Variants in CKAP5 observed in about 807,000 individuals in gnomAD.
CKAP5 encodes cytoskeleton associated protein 5.
A neutral mutation model predicts 232.8 loss-of-function variants in CKAP5; 27 were observed. The observed-to-expected ratio is 0.12, with a 90% confidence interval of 0.09 to 0.16. The LOEUF (loss-of-function observed/expected upper bound fraction) is 0.16, where lower values mean the gene tolerates loss of function less well. CKAP5 is among the 10% of genes least tolerant of loss of function. The pLI is 1.00. For missense variants in CKAP5, 1,838 were observed against 2,424.7 expected (o/e 0.76, Z 5.08); for synonymous variants, 785 against 841.1 (o/e 0.93, Z 1.16).
intron 1 of CKAP5, among the ~76,000 whole-genome samples, chr11:46,826,344 G>A (rs978393770): frequency 6.6e-6 from 1 of 152,142 alleles, no homozygotes; most frequent in East Asian, 1.9e-4. Context: ...GTTACTGCTC[G>A]ACTGTACCAA....
intron 4 of CKAP5, among the ~76,000 whole-genome samples, chr11:46,812,457 C>T (rs1939297412): frequency 6.6e-6 from 1 of 152,118 alleles, no homozygotes; most frequent in Admixed American, 6.6e-5. Context: ...TTGTGAGTAT[C>T]AGATTCTGGA....
chr11:46,804,669 G>A (rs541279170), intron 8 of CKAP5, among the ~76,000 whole-genome samples: 2 of 151,972 alleles, frequency 1.3e-5, no homozygotes, highest in African/African-American at 2.4e-5. Context: ...CAGAGGAAAG[G>A]AAACAAATTA....
chr11:46,758,396 C>G lies in CKAP5; in HGVS notation c.4689+527G>C, dbSNP rs531019054. Among the ~76,000 whole-genome samples, 35 of 152,296 alleles carry G rather than the reference C, an allele frequency of 2.3e-4. No homozygotes were observed. The South Asian group carries it at 7.3e-3, about 32-fold the overall frequency. On this transcript the variant is annotated intron_variant, in intron 35 of 43. Transcript: ENST00000529230. The stretch of plus-strand genomic sequence containing the variant: ...CATTACCCCATTTAAGTTATATTTA[C>G]ACAGTTGTTACAACTGTGTGATATT...
rs550552801 is a variant in CKAP5 at position 46,813,700 on chromosome 11, G to A, written c.458+2498C>T. Among the ~76,000 whole-genome samples, 5 of 152,168 alleles carry A rather than the reference G, an allele frequency of 3.3e-5. No individual in the cohort carries two copies. The South Asian group carries it at 1.0e-3, about 32-fold the overall frequency. ...GACAAATAAAGAACCACACAGGGAT[G>A]GGACTACATAACAACATCTATGAAG... On this transcript the variant is annotated intron_variant, in intron 4 of 43. Coordinates refer to ENST00000529230, the MANE Select transcript of CKAP5 (RefSeq NM_001008938.4).
chr11:46,757,569 T>A (rs923903107), intron 35 of CKAP5, among the ~76,000 whole-genome samples: 3 of 152,114 alleles, frequency 2.0e-5, no homozygotes, highest in African/African-American at 7.2e-5. Flanking sequence ...TTTTATTTTT[T>A]AAATTTTATT....
chr11:46,767,080 G>A (rs1319419726), intron 27 of CKAP5, among the ~76,000 whole-genome samples: 1 of 151,032 alleles, frequency 6.6e-6, no homozygotes, highest in East Asian at 1.9e-4. Context: ...GGAGTGCAAT[G>A]GCGAGATATT....
rs1272975783 is a variant in CKAP5 at position 46,798,103 on chromosome 11, T to C, written c.1153A>G (p.Ile385Val). 1.2e-6 allele frequency: 2 copies of C among 1,613,956 alleles called. No homozygotes were observed. Among genetic ancestry groups the C allele is most frequent in the African/African-American group, 1.3e-5 (1 of 74,932 alleles). ...PQVVQALQEA[I>V]DAIFLTTTLQ... ...CTTACAGTAAGGAAGATTGCATCAA[T>C]TGCCTCCTGCAGGGCTTGTACCACT... is the stretch of plus-strand genomic sequence containing the variant. Residue 385 changes from isoleucine to valine, a missense_variant, in exon 10 of 44, where the codon ATT (isoleucine) becomes GTT (valine). By Grantham distance (29) the Ile-to-Val change is conservative. Coordinates refer to ENST00000529230, the MANE Select transcript of CKAP5 (RefSeq NM_001008938.4).
chr11:46,821,314 T>C (rs758775775), intron 1 of CKAP5, 46 bp from the exon 2 acceptor site: 5 of 873,346 alleles, frequency 5.7e-6, no homozygotes, highest in Non-Finnish European at 9.2e-6. Context: ...AGGCAGTCTC[T>C]TAAGACAAAA....
chr11:46,839,254 T>TG (rs1159383390), intron 1 of CKAP5, among the ~76,000 whole-genome samples: 1 of 152,116 alleles, frequency 6.6e-6, no homozygotes, highest in African/African-American at 2.4e-5. Flanking sequence ...TAATACAGGC[T>TG]GGGGGTAGGG....
At chr11:46,804,272 C>A (rs1283155496) in intron 8 of CKAP5, among the ~76,000 whole-genome samples, 4 of 152,108 alleles carry the variant, frequency 2.6e-5, no homozygotes, top group Non-Finnish European at 5.9e-5. Flanking sequence ...TAATATAATA[C>A]CTGCCTGTCA....
chr11:46,811,707 C>T (rs1939277956), intron 4 of CKAP5, among the ~76,000 whole-genome samples: 1 of 152,098 alleles, frequency 6.6e-6, no homozygotes, highest in South Asian at 2.1e-4. Flanking sequence ...GAACTCCTGA[C>T]TTCAGGTGAT....
At chr11:46,762,902 G>C (rs1012170494) in intron 30 of CKAP5, 74 bp downstream of exon 30, 1 of 1,474,992 alleles carries the variant, frequency 6.8e-7, no homozygotes. Flanking sequence ...AAAAAAGGGA[G>C]AGGAAATAAA....
chr11:46,749,951 A>G (rs2065051212), intron 42 of CKAP5, among the ~76,000 whole-genome samples: 1 of 151,762 alleles, frequency 6.6e-6, no homozygotes, highest in Non-Finnish European at 1.5e-5. Flanking sequence ...AAAAGAGGTC[A>G]GAGCAAGTGA....
At chr11:46,835,868 A>G (rs1329212665) in intron 1 of CKAP5, among the ~76,000 whole-genome samples, 1 of 152,242 alleles carries the variant, frequency 6.6e-6, no homozygotes, top group Admixed American at 6.5e-5. Flanking sequence ...CCTAGCAAAC[A>G]CTAACTTAAT....
chr11:46,818,067 G>A (rs1470376580), intron 3 of CKAP5, among the ~76,000 whole-genome samples: 1 of 152,004 alleles, frequency 6.6e-6, no homozygotes, highest in Admixed American at 6.6e-5. Context: ...AAACCACTTG[G>A]TCATCAAACC....
intron 36 of CKAP5, among the ~76,000 whole-genome samples, chr11:46,753,985 C>T (rs2065090679): frequency 6.6e-6 from 1 of 151,940 alleles, no homozygotes; most frequent in Admixed American, 6.6e-5. Flanking sequence ...AATCGGTGTG[C>T]TTCTAATTGT....
chr11:46,800,278 T>C (rs1378534483), intron 9 of CKAP5, among the ~76,000 whole-genome samples: 3 of 152,212 alleles, frequency 2.0e-5, no homozygotes, highest in African/African-American at 4.8e-5. Context: ...TTTATTTTTA[T>C]TTGGTAGTGT....
chr11:46,768,704 C>T (rs904795451), intron 26 of CKAP5, among the ~76,000 whole-genome samples: 1 of 151,674 alleles, frequency 6.6e-6, no homozygotes, highest in African/African-American at 2.4e-5. Flanking sequence ...ACCTCAGCCT[C>T]CTGGGTAGCT....
chr11:46,760,683 A>G lies in CKAP5; in HGVS notation c.4323T>C (p.Arg1441=), dbSNP rs1229698081. 1 of 1,614,102 alleles carries G rather than the reference A, an allele frequency of 6.2e-7. No individual in the cohort carries two copies. Among genetic ancestry groups the G allele is most frequent in the Admixed American group, 1.7e-5 (1 of 60,006 alleles). ...PIKQVEEKPQ[R]AQNISSNANM... ...TGGCATTGGAGCTTATGTTCTGTGC[A>G]CGCTGAGGTTTCTCTTCCACCTGTT... Residue 1441 remains arginine, a synonymous_variant, in exon 33 of 44, where the codon CGT becomes CGC. Transcript: ENST00000529230.
Sources: allele counts gnomAD v4.1 joint callset (sites outside exome capture counted in the v4.1 genomes callset), GRCh38; gene constraint gnomAD v4.1.1; transcripts MANE v1.5; gene names NCBI Gene and HGNC (gene_info 2026-07-23, HGNC 2026-07-21).